The following BTNL9 variants were observed in gnomAD, a reference collection of about 807,000 sequenced individuals.
BTNL9 encodes butyrophilin like 9, also known as butyrophilin-like protein 9.
In BTNL9, 45 loss-of-function variants were observed where a neutral mutation model predicts 45.8. The ratio of observed to expected loss-of-function variants is 0.98; its 90% CI spans 0.77 to 1.26. The LOEUF (loss-of-function observed/expected upper bound fraction) is 1.26, where lower values mean the gene tolerates loss of function less well. BTNL9 is among the 50% of genes most tolerant of loss of function. The probability of loss-of-function intolerance (pLI) is 0.00; values close to 1 mark genes in which losing one functional copy is unlikely to be tolerated. For missense variants in BTNL9, 784 were observed against 729.7 expected, an observed-to-expected ratio of 1.07 and a Z score of -0.86; for synonymous variants, 346 against 330.8, an observed-to-expected ratio of 1.05 and a Z score of -0.50.
chr5:181,054,385 T>C, intron 7 of BTNL9, 126 bp downstream of exon 7: 1 of 1,526,188 alleles, frequency 6.6e-7, no homozygotes, highest in Non-Finnish European at 8.7e-7. Flanking sequence ...CCTGTGAGCC[T>C]CCACCTCTTC....
Position 181,055,021 on chromosome 5 carries a change from T to C in BTNL9, c.908-412T>C, listed in dbSNP as rs1373870901. On this transcript the variant is annotated intron_variant, in intron 7 of 10. Coordinates refer to ENST00000327705, the MANE Select transcript of BTNL9 (RefSeq NM_152547.5). This position sits in a 1 kb window ranked among gnomAD's most constrained non-coding sequence, Gnocchi z 4.4. The stretch of plus-strand genomic sequence containing the variant: ...TATTTGGGGAAATAATTGGGTGTGA[T>C]GTCCTTCCAGTCCTTCAGATAACGC... 47 of 985,482 alleles carry C rather than the reference T, an allele frequency of 4.8e-5. No individual in the cohort carries two copies. In the South Asian group the frequency reaches 2.1e-3, roughly 44 times the overall value. 61.0% of individuals were successfully genotyped at this position (985,482 alleles called of 1,614,324 possible). A position where few individuals can be genotyped will look rare whatever the true frequency, so the allele number is the denominator to read the frequency against.
In BTNL9 at chr5:181,054,231, T is replaced by TC. The variant is rs568614431; in HGVS notation, c.887-8_887-7insC. ...TTTTCTTCATCTTTTTTTTTTTTTT[T>TC]TCTCTAGAGAAACTCACTGCAGAGC... On this transcript the variant is annotated splice_region_variant and splice_polypyrimidine_tract_variant and intron_variant, in intron 6 of 10. Transcript: ENST00000327705. The TC allele has an allele frequency of 2.2e-4, 347 of 1,612,442 alleles. No homozygotes were observed. In the South Asian group the frequency reaches 3.6e-3, roughly 17 times the overall value.
At position 181,053,912 on chromosome 5, in the gene BTNL9, A is replaced by T. The variant is rs1170608090; in HGVS notation, c.887-327A>T. The stretch of plus-strand genomic sequence containing the variant: ...GGAAGCGGCGGTCAGGCACCGAGAA[A>T]ACAGCCCAGTTACGTGAGGCAGTGT... On this transcript the variant is annotated intron_variant, in intron 6 of 10. Transcript: ENST00000327705. The surrounding 1 kb of genome is among the most constrained non-coding windows in gnomAD (Gnocchi z 6.5). The T allele has an allele frequency of 6.6e-7, 1 of 1,509,490 alleles. No individual in the cohort carries two copies. The allele number at this position is 1,509,490 out of a possible 1,614,324, so 93.5% of individuals were successfully genotyped here.
At chr5:181,059,141 TC>T (rs1347237985) in intron 10 of BTNL9, 95 bp from the exon 11 acceptor site, 1 of 1,405,078 alleles carries the variant, frequency 7.1e-7, no homozygotes, top group East Asian at 2.9e-5. Flanking sequence ...CCTCGATTAT[TC>T]CACCAAGAGA....
intron 9 of BTNL9, 96 bp downstream of exon 9, chr5:181,056,111 G>A: frequency 7.2e-7 from 1 of 1,383,934 alleles, no homozygotes; most frequent in Non-Finnish European, 1.0e-6. Context: ...CATTCTGGTT[G>A]CATTCCGTGG....
At position 181,059,279 on chromosome 5, in the gene BTNL9, A is replaced by T; in HGVS notation, c.1025A>T (p.Glu342Val). The T allele has an allele frequency of 1.3e-6, 2 of 1,571,890 alleles. No homozygotes were observed. Among genetic ancestry groups the T allele is most frequent in the Non-Finnish European group, 1.7e-6 (2 of 1,167,308 alleles). ...CCGGCCTCGGCGCACCCCAGCCTGG[A>T]GGTGTCGGAGGATGGCAAGAGCGTG... Reference protein sequence around the residue: ...LDPASAHPSLEVSEDGKSVSS... With the variant: ...LDPASAHPSLVVSEDGKSVSS... The change falls in exon 11 of 11, where the codon GAG becomes GTG. Residue 342 changes from glutamate (E) to valine (V), a missense_variant. By Grantham distance (121) the Glu-to-Val change is moderately radical (BLOSUM62 -2). Coordinates refer to ENST00000327705, the MANE Select transcript of BTNL9 (RefSeq NM_152547.5).
intron 4 of BTNL9, among the ~76,000 whole-genome samples, chr5:181,051,910 G>A (rs1024269078): frequency 6.6e-6 from 1 of 152,078 alleles, no homozygotes; most frequent in Non-Finnish European, 1.5e-5. Context: ...TCTACAGAGG[G>A]CGTGACTCAC....
Position 181,053,782 on chromosome 5 carries a change from A to G in BTNL9, c.886+281A>G. ...CCCTCGGAGCTTCACATCACACTGT[A>G]CAGAGGGAGCGGTGACCAGGGTCTC... On this transcript the variant is annotated intron_variant, in intron 6 of 10. Coordinates refer to ENST00000327705, the MANE Select transcript of BTNL9 (RefSeq NM_152547.5). This position sits in a 1 kb window ranked among gnomAD's most constrained non-coding sequence, Gnocchi z 6.5. 1 of 1,523,874 alleles carries G rather than the reference A, an allele frequency of 6.6e-7. No homozygotes were observed. The highest frequency in any genetic ancestry group is 8.8e-7 in the Non-Finnish European group (1 of 1,138,746). 94.4% of individuals were successfully genotyped at this position (1,523,874 alleles called of 1,614,324 possible). A position where few individuals can be genotyped will look rare whatever the true frequency, so the allele number is the denominator to read the frequency against.
At chr5:181,047,864 T>C in intron 2 of BTNL9, 63 bp from the exon 3 acceptor site, 1 of 1,359,050 alleles carries the variant, frequency 7.4e-7, no homozygotes, top group Middle Eastern at 2.0e-4. Flanking sequence ...TATAAAGGGG[T>C]GTGATAACTT....
At position 181,060,393 on chromosome 5, in the gene BTNL9, G is replaced by A. The variant is rs1386252230; in HGVS notation, c.*531G>A. 6.6e-6 allele frequency: 1 copy of A among 152,522 alleles called. No individual in the cohort carries two copies. Among genetic ancestry groups the A allele is most frequent in the Admixed American group, 6.5e-5 (1 of 15,292 alleles). The allele number at this position is 152,522 out of a possible 1,614,324, so 9.4% of individuals were successfully genotyped here. On this transcript the variant is annotated 3_prime_UTR_variant, in exon 11 of 11. Transcript: ENST00000327705. ...AGCCGGGGCAAAAATTTCAAGGTGAGCCTGGAGCATTGTGTGTGGTGAAGT... is the reference window on the plus strand; with the variant it reads ...AGCCGGGGCAAAAATTTCAAGGTGAACCTGGAGCATTGTGTGTGGTGAAGT...
intron 1 of BTNL9, among the ~76,000 whole-genome samples, chr5:181,041,020 G>A (rs1760751446): frequency 6.6e-6 from 1 of 152,250 alleles, no homozygotes; most frequent in Admixed American, 6.5e-5. Context: ...GGACCCCACA[G>A]TCTCCGCAGA....
Position 181,055,431 on chromosome 5 carries a change from A to G in BTNL9, c.908-2A>G. On this transcript the variant is annotated splice_acceptor_variant, in intron 7 of 10. Coordinates refer to ENST00000327705, the MANE Select transcript of BTNL9 (RefSeq NM_152547.5). LOFTEE classifies it high-confidence loss of function. This position sits in a 1 kb window ranked among gnomAD's most constrained non-coding sequence, Gnocchi z 4.4. ...AGTTTTCTTTGTGTGTTCTGCTTGC[A>G]GAAAAGCTTCAGACAGAGCTTGGTA... is the stretch of plus-strand genomic sequence containing the variant. 6.2e-7 allele frequency: 1 copy of G among 1,614,188 alleles called. No individual in the cohort carries two copies. The highest frequency in any genetic ancestry group is 8.5e-7 in the Non-Finnish European group (1 of 1,180,040).
chr5:181,055,881 T>G lies in BTNL9; in HGVS notation c.929-108T>G. The G allele has an allele frequency of 3.1e-6, 4 of 1,286,982 alleles. No individual in the cohort carries two copies. The highest frequency in any genetic ancestry group is 4.5e-6 in the Non-Finnish European group (4 of 881,686). 79.7% of individuals were successfully genotyped at this position (1,286,982 alleles called of 1,614,324 possible). The stretch of plus-strand genomic sequence containing the variant: ...GCCCAGGCAGGACCCCTGCTGGCTA[T>G]GTGGGTGGTGGGGGGTGCGGGACAG... On this transcript the variant is annotated intron_variant, in intron 8 of 10. Transcript: ENST00000327705. The surrounding 1 kb of genome is among the most constrained non-coding windows in gnomAD (Gnocchi z 4.4).
At chr5:181,048,543 T>C (rs77910287) in intron 3 of BTNL9, among the ~76,000 whole-genome samples, 1,997 of 151,472 alleles carry the variant, frequency 0.013, 47 homozygotes, top group African/African-American at 0.046. Context: ...TCACTTGAGC[T>C]CCAGAGTTCG....
chr5:181,058,657 C>T (rs1762002475), intron 10 of BTNL9, among the ~76,000 whole-genome samples: 2 of 152,098 alleles, frequency 1.3e-5, no homozygotes, highest in African/African-American at 4.8e-5. Context: ...GGCGAGAGTG[C>T]AGAGTCTGTA....
At position 181,045,620 on chromosome 5, in the gene BTNL9, T is replaced by G. The variant is rs1358183990; in HGVS notation, c.109+22T>G. The G allele has an allele frequency of 4.4e-6, 7 of 1,585,412 alleles. No homozygotes were observed. The Admixed American group carries it at 1.2e-4, about 26-fold the overall frequency. ...TCAGGTATTGTGTCTGCAGCCTAGCTGGCCAGGATGTGAACGCCACCCCTC... is the reference window on the plus strand; with the variant it reads ...TCAGGTATTGTGTCTGCAGCCTAGCGGGCCAGGATGTGAACGCCACCCCTC... On this transcript the variant is annotated intron_variant, in intron 2 of 10. Transcript: ENST00000327705.
intron 2 of BTNL9, 33 bp from the exon 3 acceptor site, chr5:181,047,894 G>A (rs745771603): frequency 1.1e-5 from 17 of 1,576,226 alleles, no homozygotes; most frequent in Middle Eastern, 1.7e-4. Flanking sequence ...TTGGATGAGG[G>A]TTGCTTTTGC....
Position 181,053,102 on chromosome 5 carries a change from C to T in BTNL9, c.737-98C>T, listed in dbSNP as rs1387327786. 1 of 1,070,896 alleles carries T rather than the reference C, an allele frequency of 9.3e-7. No homozygotes were observed. The highest frequency in any genetic ancestry group is 2.8e-5 in the Admixed American group (1 of 35,332). The allele number at this position is 1,070,896 out of a possible 1,614,324, so 66.3% of individuals were successfully genotyped here. A position where few individuals can be genotyped will look rare whatever the true frequency, so the allele number is the denominator to read the frequency against. On this transcript the variant is annotated intron_variant, in intron 4 of 10. Coordinates refer to ENST00000327705, the MANE Select transcript of BTNL9 (RefSeq NM_152547.5). This position sits in a 1 kb window ranked among gnomAD's most constrained non-coding sequence, Gnocchi z 6.5. The stretch of plus-strand genomic sequence containing the variant: ...GGCTGCGGTGGCGCCCGGAGAAGGT[C>T]CCGCGGGAGGTTTCCCGGCACGCGG...
chr5:181,055,523 A>G lies in BTNL9; in HGVS notation c.928+70A>G. 1 of 1,570,352 alleles carries G rather than the reference A, an allele frequency of 6.4e-7. No individual in the cohort carries two copies. Among genetic ancestry groups the G allele is most frequent in the Admixed American group, 1.7e-5 (1 of 59,960 alleles). ...AGTGGCTCACACCTGTAATCCCAGT[A>G]CTTTGGGAGGCCGAGGCGGGTGGAT... On this transcript the variant is annotated intron_variant, in intron 8 of 10. Transcript: ENST00000327705. The surrounding 1 kb of genome is among the most constrained non-coding windows in gnomAD (Gnocchi z 4.4).
Sources: allele counts gnomAD v4.1 joint callset (sites outside exome capture counted in the v4.1 genomes callset), GRCh38; gene constraint gnomAD v4.1.1; non-coding constraint Gnocchi (gnomAD v3.1); transcripts MANE v1.5; gene names NCBI Gene and HGNC (gene_info 2026-07-23, HGNC 2026-07-21).